Variants in BMP10 observed in about 807,000 individuals in gnomAD.
The protein encoded by BMP10 is bone morphogenetic protein 10.
In BMP10, 9 loss-of-function variants were observed where a neutral mutation model predicts 29.9. That is an observed-to-expected ratio of 0.30 (90% CI 0.18 to 0.53). The LOEUF is 0.53. Ranked by LOEUF, BMP10 falls within the 20% of genes least tolerant of loss-of-function variation. BMP10 has a pLI of 0.96. For synonymous variants in BMP10, 202 were observed against 200.2 expected (o/e 1.01, Z -0.07); for missense variants, 474 against 524.3 (o/e 0.90, Z 0.94).
chr2:68,868,023 C>T (rs543094674), intron 1 of BMP10, among the ~76,000 whole-genome samples: 9 of 152,076 alleles, frequency 5.9e-5, no homozygotes, highest in Non-Finnish European at 1.3e-4. Context: ...AAATGCTGAC[C>T]TACAGAATAA....
chr2:68,868,244 T>G (rs1024174218), intron 1 of BMP10, among the ~76,000 whole-genome samples: 5 of 152,132 alleles, frequency 3.3e-5, no homozygotes, highest in African/African-American at 1.2e-4. Context: ...TTCCCTGCAA[T>G]TTTCACCTTT....
In BMP10 at chr2:68,862,603, G is replaced by A. The variant is rs888836724; in HGVS notation, c.*3028C>T. On this transcript the variant is annotated 3_prime_UTR_variant, in exon 2 of 2. Coordinates refer to ENST00000295379, the MANE Select transcript of BMP10 (RefSeq NM_014482.3). Reference sequence around the variant, plus strand: ...GTGATGATAATTCTGCAATAAAAGGGGGAAAAAAACTGGCATGGGACCCAG... The same window carrying A: ...GTGATGATAATTCTGCAATAAAAGGAGGAAAAAAACTGGCATGGGACCCAG... Among the ~76,000 whole-genome samples the A allele has an allele frequency of 2.4e-4, 37 of 152,064 alleles. No individual in the cohort carries two copies. The highest frequency in any genetic ancestry group is 8.7e-4 in the African/African-American group (36 of 41,388).
At chr2:68,870,768 AG>A (rs904258367) in intron 1 of BMP10, among the ~76,000 whole-genome samples, 2 of 152,218 alleles carry the variant, frequency 1.3e-5, no homozygotes, top group Non-Finnish European at 2.9e-5. Flanking sequence ...ATTTTTTAAA[AG>A]GACCCAATTA....
chr2:68,871,144 G>T lies in BMP10; in HGVS notation c.215C>A (p.Pro72His). 6.2e-7 allele frequency: 1 copy of T among 1,614,114 alleles called. No homozygotes were observed. Among genetic ancestry groups the T allele is most frequent in the South Asian group, 1.1e-5 (1 of 91,078 alleles). ...FLKTLNLSDI[P>H]TQDSAKVDPP... ...GTCCACCTTGGCTGAATCCTGCGTG[G>T]GGATGTCAGAGAGGTTTAGTGTCTT... Residue 72 changes from proline to histidine, a missense_variant, in exon 1 of 2, where the codon CCC becomes CAC. Pro to His is a moderately conservative substitution (Grantham distance 77). Transcript: ENST00000295379.
Position 68,865,227 on chromosome 2 carries a change from T to C in BMP10, c.*404A>G, listed in dbSNP as rs1682927857. Among the ~76,000 whole-genome samples, 1 of 152,186 alleles carries C rather than the reference T, an allele frequency of 6.6e-6. No individual in the cohort carries two copies. The highest frequency in any genetic ancestry group is 1.5e-5 in the Non-Finnish European group (1 of 68,032). ...ACTTAAATCCTACTCAGAGAAGAGG[T>C]AACAGAGAACATACCATTGGCCTTT... On this transcript the variant is annotated 3_prime_UTR_variant, in exon 2 of 2. Coordinates refer to ENST00000295379, the MANE Select transcript of BMP10 (RefSeq NM_014482.3). This position sits in a 1 kb window ranked among gnomAD's most constrained non-coding sequence, Gnocchi z 4.7.
intron 1 of BMP10, among the ~76,000 whole-genome samples, chr2:68,867,652 G>T (rs1163698003): frequency 3.9e-5 from 6 of 152,074 alleles, no homozygotes; most frequent in Non-Finnish European, 8.8e-5. Context: ...AGCCCTGAAG[G>T]CATTTGCCAT....
At chr2:68,871,000 C>A in intron 1 of BMP10, 25 bp downstream of exon 1, 1 of 1,597,082 alleles carries the variant, frequency 6.3e-7, no homozygotes, top group Non-Finnish European at 8.6e-7. Flanking sequence ...AAAATCCTAG[C>A]AAAATTTCAT....
rs973838214 is a variant in BMP10, at chr2:68,865,555, TATTAAATAATCTC to T, written c.*63_*75del. On this transcript the variant is annotated 3_prime_UTR_variant, in exon 2 of 2. Coordinates refer to ENST00000295379, the MANE Select transcript of BMP10 (RefSeq NM_014482.3). This position sits in a 1 kb window ranked among gnomAD's most constrained non-coding sequence, Gnocchi z 4.7. ...GCAAGCCTCTATTACTGTACACCCT[TATTAAATAATCTC>T]ATTAAATAGGAACACCAAATATACA... 7.0e-7 allele frequency: 1 copy of T among 1,422,636 alleles called. No individual in the cohort carries two copies. The highest frequency in any genetic ancestry group is 1.4e-5 in the African/African-American group (1 of 69,770). The allele number at this position is 1,422,636 out of a possible 1,614,324, so 88.1% of individuals were successfully genotyped here.
chr2:68,868,912 C>T (rs1364808417), intron 1 of BMP10, among the ~76,000 whole-genome samples: 3 of 152,198 alleles, frequency 2.0e-5, no homozygotes, highest in Admixed American at 6.5e-5. Flanking sequence ...TGCGATTATA[C>T]TTTTATACAT....
intron 1 of BMP10, among the ~76,000 whole-genome samples, chr2:68,869,042 A>T (rs1683021227): frequency 6.6e-6 from 1 of 152,226 alleles, no homozygotes; most frequent in African/African-American, 2.4e-5. Context: ...TAGATGGAAG[A>T]GTTACATTTC....
intron 1 of BMP10, among the ~76,000 whole-genome samples, chr2:68,869,906 C>T (rs190557560): frequency 6.6e-6 from 1 of 152,220 alleles, no homozygotes; most frequent in Admixed American, 6.5e-5. Flanking sequence ...AAATGGAGTG[C>T]TTTCTTATCT....
At position 68,866,205 on chromosome 2, in the gene BMP10, G is replaced by A. The variant is rs1393631378; in HGVS notation, c.701C>T (p.Ala234Val). Residue 234 changes from alanine (A) to valine (V), a missense_variant, in exon 2 of 2, where the codon GCC becomes GTC. Ala to Val is a moderately conservative substitution (Grantham distance 64). Around this residue, in one of 2 missense-constraint regions of BMP10, gnomAD observed 408 missense variants for 415.3 expected, o/e 0.98. Transcript: ENST00000295379. Reference sequence around the variant, plus strand: ...ATCTATTTCTAGCCGTCCACTGCTGGCATCCTCAGCTTCATCGTGTTTGCT... The same window carrying A: ...ATCTATTTCTAGCCGTCCACTGCTGACATCCTCAGCTTCATCGTGTTTGCT... ...IESKHDEAED[A>V]SSGRLEIDTS... 1.2e-6 allele frequency: 2 copies of A among 1,613,960 alleles called. No homozygotes were observed. Among genetic ancestry groups the A allele is most frequent in the Middle Eastern group, 1.7e-4 (1 of 6,060 alleles).
chr2:68,871,038 A>T lies in BMP10; in HGVS notation c.321T>A (p.Ser107Arg). ...TSMPSANIIR[S>R]FKNEDLFSQP... ...GCAAAAACTTACCTTCATTCTTGAAACTCCTAATGATGTTGGCAGAGGGCA... is the reference window on the plus strand; with the variant it reads ...GCAAAAACTTACCTTCATTCTTGAATCTCCTAATGATGTTGGCAGAGGGCA... Residue 107 changes from serine to arginine, a missense_variant, in exon 1 of 2, where the codon AGT (serine) becomes AGA (arginine). Physicochemically the swap from Ser to Arg is moderately radical, Grantham distance 110. Around this residue, in one of 2 missense-constraint regions of BMP10, gnomAD observed 408 missense variants for 415.3 expected, o/e 0.98. Coordinates refer to ENST00000295379, the MANE Select transcript of BMP10 (RefSeq NM_014482.3). 1 of 1,603,570 alleles carries T rather than the reference A, an allele frequency of 6.2e-7. No individual in the cohort carries two copies. Among genetic ancestry groups the T allele is most frequent in the Non-Finnish European group, 8.5e-7 (1 of 1,171,984 alleles).
chr2:68,871,013 G>T lies in BMP10; in HGVS notation c.334+12C>A. 6.2e-7 allele frequency: 1 copy of T among 1,602,870 alleles called. No individual in the cohort carries two copies. ...AAAAAATCCTAGCAAAATTTCATCA[G>T]CAAAAACTTACCTTCATTCTTGAAA... On this transcript the variant is annotated intron_variant, in intron 1 of 1. Transcript: ENST00000295379.
Position 68,862,585 on chromosome 2 carries a change from T to C in BMP10, c.*3046A>G, listed in dbSNP as rs1480285315. Reference sequence around the variant, plus strand: ...TTAGCTATATCAACTTCGGTGATGATAATTCTGCAATAAAAGGGGGAAAAA... The same window carrying C: ...TTAGCTATATCAACTTCGGTGATGACAATTCTGCAATAAAAGGGGGAAAAA... On this transcript the variant is annotated 3_prime_UTR_variant, in exon 2 of 2. Coordinates refer to ENST00000295379, the MANE Select transcript of BMP10 (RefSeq NM_014482.3). Among the ~76,000 whole-genome samples the C allele has an allele frequency of 1.3e-5, 2 of 152,200 alleles. No homozygotes were observed. The highest frequency in any genetic ancestry group is 4.1e-4 in the South Asian group (2 of 4,834).
chr2:68,868,941 T>C (rs1253545139), intron 1 of BMP10, among the ~76,000 whole-genome samples: 3 of 152,254 alleles, frequency 2.0e-5, no homozygotes, highest in Admixed American at 1.3e-4. Context: ...TTATATGTCA[T>C]ATTTTTATAA....
chr2:68,864,193 C>G lies in BMP10; in HGVS notation c.*1438G>C, dbSNP rs1384519189. Reference sequence around the variant, plus strand: ...AGAAGATGGGAAAGTTACTGGGTTTCTACCATGAAACAATCATGATTTCAA... The same window carrying G: ...AGAAGATGGGAAAGTTACTGGGTTTGTACCATGAAACAATCATGATTTCAA... On this transcript the variant is annotated 3_prime_UTR_variant, in exon 2 of 2. Transcript: ENST00000295379. Among the ~76,000 whole-genome samples the G allele has an allele frequency of 6.6e-6, 1 of 152,148 alleles. No individual in the cohort carries two copies. The highest frequency in any genetic ancestry group is 6.5e-5 in the Admixed American group (1 of 15,278).
chr2:68,868,692 C>T (rs1022350564), intron 1 of BMP10, among the ~76,000 whole-genome samples: 2 of 152,146 alleles, frequency 1.3e-5, no homozygotes, highest in East Asian at 3.9e-4. Flanking sequence ...GACTTGACTC[C>T]CCATGGACAG....
Position 68,865,447 on chromosome 2 carries a change from A to G in BMP10, c.*184T>C, listed in dbSNP as rs1558684620. On this transcript the variant is annotated 3_prime_UTR_variant, in exon 2 of 2. Transcript: ENST00000295379. This position sits in a 1 kb window ranked among gnomAD's most constrained non-coding sequence, Gnocchi z 4.7. The stretch of plus-strand genomic sequence containing the variant: ...TTGCCAGGAAATGGCAAGTCCAAAG[A>G]GAAAACAGATTGAAAGGGACTTAAC... The G allele has an allele frequency of 1.2e-4, 75 of 647,852 alleles. No individual in the cohort carries two copies. The South Asian group carries it at 1.9e-3, about 16-fold the overall frequency. The allele number at this position is 647,852 out of a possible 1,614,324, so 40.1% of individuals were successfully genotyped here.
Sources: allele counts gnomAD v4.1 joint callset (sites outside exome capture counted in the v4.1 genomes callset), GRCh38; gene constraint gnomAD v4.1.1; regional missense constraint gnomAD v4.1.1; non-coding constraint Gnocchi (gnomAD v3.1); transcripts MANE v1.5; gene names NCBI Gene and HGNC (gene_info 2026-07-23, HGNC 2026-07-21).